HPS5: variants seen among roughly 807,000 people sequenced by gnomAD.
The protein encoded by HPS5 is BLOC-2 complex member HPS5.
HPS5 carries 83 observed loss-of-function variants against 128.0 expected under a neutral mutation model. The ratio of observed to expected loss-of-function variants is 0.65; its 90% CI spans 0.54 to 0.78. HPS5 has a LOEUF of 0.78. Ranked by LOEUF, HPS5 falls within the 30% of genes least tolerant of loss-of-function variation. The pLI is 0.00. For synonymous variants in HPS5, 475 were observed against 470.2 expected (o/e 1.01, Z -0.13); for missense variants, 1,281 against 1,326.2 (o/e 0.97, Z 0.53).
intron 1 of HPS5, among the ~76,000 whole-genome samples, chr11:18,321,697 T>C (rs984133257): frequency 3.3e-5 from 5 of 152,116 alleles, no homozygotes; most frequent in South Asian, 2.1e-4. Context: ...ATAGCAAAAA[T>C]TGAAGAAATG....
rs143657975 is a variant in HPS5 at position 18,315,079 on chromosome 11, G to A, written c.108+2672C>T. On this transcript the variant is annotated intron_variant, in intron 2 of 22. Transcript: ENST00000349215. Reference sequence around the variant, plus strand: ...TAACTTTTGCTTTTCTCCCTAAAACGAGGGTTACACCAGACTCCCTGTTTT... The same window carrying A: ...TAACTTTTGCTTTTCTCCCTAAAACAAGGGTTACACCAGACTCCCTGTTTT... Among the ~76,000 whole-genome samples, 70 of 152,190 alleles carry A rather than the reference G, an allele frequency of 4.6e-4. 1 individual carries two copies. The highest frequency in any genetic ancestry group is 1.3e-3 in the African/African-American group (56 of 41,532).
intron 15 of HPS5, 115 bp downstream of exon 15, chr11:18,292,784 C>G: frequency 1.2e-6 from 1 of 829,580 alleles, no homozygotes. Context: ...ATAGCAACTT[C>G]TCTAATCAAC....
At chr11:18,312,850 A>G (rs1863166910) in intron 2 of HPS5, among the ~76,000 whole-genome samples, 4 of 152,242 alleles carry the variant, frequency 2.6e-5, no homozygotes, top group Admixed American at 1.3e-4. Context: ...GGAGCCAGTT[A>G]TATCATTGGG....
At chr11:18,291,070 T>A (rs1345596557) in intron 16 of HPS5, among the ~76,000 whole-genome samples, 7 of 152,042 alleles carry the variant, frequency 4.6e-5, no homozygotes, top group African/African-American at 1.2e-4. Flanking sequence ...ATACAAAAAT[T>A]AGCTGGGCGT....
chr11:18,283,727 TTTG>T, intron 21 of HPS5, 65 bp downstream of exon 21: 1 of 1,049,902 alleles, frequency 9.5e-7, no homozygotes, highest in Non-Finnish European at 1.5e-6. Flanking sequence ...ACCAAATTTT[TTTG>T]TTGAGAGGTC....
At chr11:18,315,432 G>T (rs536298590) in intron 2 of HPS5, among the ~76,000 whole-genome samples, 25 of 152,258 alleles carry the variant, frequency 1.6e-4, no homozygotes, top group Middle Eastern at 3.4e-3. Flanking sequence ...GGCCAACATG[G>T]TGAAACTCTG....
chr11:18,314,999 CAGCTTCTTCCTCTT>C (rs544594292), intron 2 of HPS5, among the ~76,000 whole-genome samples: 509 of 152,310 alleles, frequency 3.3e-3, no homozygotes, highest in Non-Finnish European at 5.3e-3. Context: ...CAAGCCAGGG[CAGCTTCTTCCTCTT>C]AGCTTCTTCC....
intron 21 of HPS5, among the ~76,000 whole-genome samples, chr11:18,283,328 T>TA (rs34748325): frequency 0.14 from 17,043 of 124,474 alleles, 1,337 homozygotes; most frequent in Non-Finnish European, 0.2. Flanking sequence ...AATGGGAAAT[T>TA]AAAAAAAAAA....
intron 2 of HPS5, among the ~76,000 whole-genome samples, chr11:18,314,872 TG>T (rs906518133): frequency 6.6e-6 from 1 of 152,122 alleles, no homozygotes; most frequent in Admixed American, 6.6e-5. Flanking sequence ...AGCTGATTTT[TG>T]TATTTTTTGT....
chr11:18,296,288 C>A, intron 12 of HPS5, 166 bp from the exon 13 acceptor site: 1 of 680,718 alleles, frequency 1.5e-6, no homozygotes, highest in Non-Finnish European at 2.5e-6. Flanking sequence ...TTACAAAATG[C>A]ATGGGATGGT....
Position 18,306,320 on chromosome 11 carries a change from C to T in HPS5, c.639G>A (p.Lys213=). 1 of 1,613,936 alleles carries T rather than the reference C, an allele frequency of 6.2e-7. No homozygotes were observed. Among genetic ancestry groups the T allele is most frequent in the Non-Finnish European group, 8.5e-7 (1 of 1,179,898 alleles). The part of the protein sequence containing the change: ...EREKFWKIGN[K]ERDGEYGACF... Reference sequence around the variant, plus strand: ...AAGCTCCATATTCTCCATCTCTTTCCTTGTTTCCAATTTTCCAAAACTTTT... The same window carrying T: ...AAGCTCCATATTCTCCATCTCTTTCTTTGTTTCCAATTTTCCAAAACTTTT... The change falls in exon 7 of 23, where the codon AAG becomes AAA. Residue 213 remains lysine (K), a synonymous_variant. Transcript: ENST00000349215.
chr11:18,282,745 T>TA (rs1859169471), intron 21 of HPS5, among the ~76,000 whole-genome samples: 1 of 151,868 alleles, frequency 6.6e-6, no homozygotes, highest in African/African-American at 2.4e-5. Flanking sequence ...TGCTAAGCAC[T>TA]ATGAAAAAAA....
chr11:18,293,528 A>C (rs1378741600), intron 14 of HPS5, among the ~76,000 whole-genome samples: 1 of 152,188 alleles, frequency 6.6e-6, no homozygotes, highest in Non-Finnish European at 1.5e-5. Flanking sequence ...CAAATAGATG[A>C]ATAGAAAAGG....
At chr11:18,283,696 T>C (rs1236743684) in intron 21 of HPS5, 99 bp downstream of exon 21, 6 of 794,604 alleles carry the variant, frequency 7.6e-6, no homozygotes, top group South Asian at 1.4e-5. Flanking sequence ...ACATATTAAA[T>C]ATATGATCAT....
At chr11:18,294,368 T>A (rs1379299578) in intron 14 of HPS5, among the ~76,000 whole-genome samples, 1 of 152,068 alleles carries the variant, frequency 6.6e-6, no homozygotes, top group African/African-American at 2.4e-5. Context: ...GCTTGATGAG[T>A]CCTTGACTCA....
At position 18,280,286 on chromosome 11, in the gene HPS5, C is replaced by T. The variant is rs191397583; in HGVS notation, c.3330-344G>A. ...GCATATGAAAAAATGCTCAACATCT[C>T]TAATCATTAGAAAAATGCAAATCAA... is the stretch of plus-strand genomic sequence containing the variant. On this transcript the variant is annotated intron_variant, in intron 22 of 22. Transcript: ENST00000349215. Among the ~76,000 whole-genome samples, 16 of 152,278 alleles carry T rather than the reference C, an allele frequency of 1.1e-4. No individual in the cohort carries two copies. The East Asian group carries it at 3.1e-3, about 29-fold the overall frequency.
chr11:18,280,826 T>C (rs1244585205), intron 22 of HPS5, among the ~76,000 whole-genome samples: 1 of 152,172 alleles, frequency 6.6e-6, no homozygotes. Flanking sequence ...AGATGAGGTA[T>C]GTAGAATAGT....
At chr11:18,291,039 C>T (rs1158607988) in intron 16 of HPS5, among the ~76,000 whole-genome samples, 2 of 152,136 alleles carry the variant, frequency 1.3e-5, no homozygotes, top group Non-Finnish European at 1.5e-5. Context: ...GCCGACATGG[C>T]AAAACCCTGT....
rs1453558258 is a variant in HPS5 at position 18,291,661 on chromosome 11, T to C, written c.2221A>G (p.Thr741Ala). ...ACATTCAACTCCAAACATAATGTTG[T>C]CAATTCAGCCAGGTCGTTCCGAAGA... ...SGLRNDLAEL[T>A]TLCLELNVLN... is the part of the protein sequence containing the mutation. The change falls in exon 16 of 23, where the codon ACA becomes GCA. Residue 741 changes from threonine to alanine, a missense_variant. Physicochemically the swap from Thr to Ala is moderately conservative, Grantham distance 58. Transcript: ENST00000349215. 1.2e-6 allele frequency: 2 copies of C among 1,614,216 alleles called. No homozygotes were observed. Among genetic ancestry groups the C allele is most frequent in the Non-Finnish European group, 1.7e-6 (2 of 1,180,030 alleles).
Sources: gnomAD v4.1 joint callset for allele counts (sites outside exome capture counted in the v4.1 genomes callset) on GRCh38, gnomAD v4.1.1 for gene constraint, MANE v1.5 for transcripts, NCBI Gene and HGNC (gene_info 2026-07-23, HGNC 2026-07-21) for gene names.